PARP4: variants seen among roughly 807,000 people sequenced by gnomAD.
The protein encoded by PARP4 is poly(ADP-ribose) polymerase family member 4, also known as protein mono-ADP-ribosyltransferase PARP4.
A neutral mutation model predicts 187.7 loss-of-function variants in PARP4; 120 were observed. The observed-to-expected ratio is 0.64, with a 90% CI of 0.55 to 0.74. The LOEUF is 0.74. PARP4 is among the 30% of genes least tolerant of loss of function. The pLI, the probability that PARP4 is intolerant of heterozygous loss-of-function variation, is 0.00. For missense variants in PARP4, 1,836 were observed against 2,070.5 expected (o/e 0.89, Z 2.20); for synonymous variants, 654 against 740.9 (o/e 0.88, Z 1.90).
rs544858418 is a variant in PARP4 at position 24,422,825 on chromosome 13, T to C, written c.4980-1511A>G. Among the ~76,000 whole-genome samples the C allele has an allele frequency of 2.0e-5, 3 of 152,184 alleles. No homozygotes were observed. The East Asian group carries it at 5.8e-4, about 29-fold the overall frequency. On this transcript the variant is annotated intron_variant, in intron 33 of 33. Transcript: ENST00000381989. ...GGTTTCACCATCTTGGCCAGGATGG[T>C]CTCAATCTCTTAACCTTGTGATCTG...
Position 24,486,678 on chromosome 13 carries a change from G to C in PARP4, c.1215-373C>G, listed in dbSNP as rs112751261. Among the ~76,000 whole-genome samples the C allele has an allele frequency of 3.3e-5, 5 of 152,266 alleles. No homozygotes were observed. The South Asian group carries it at 1.0e-3, about 32-fold the overall frequency. On this transcript the variant is annotated intron_variant, in intron 10 of 33. Coordinates refer to ENST00000381989, the MANE Select transcript of PARP4 (RefSeq NM_006437.4). ...AAAAGAATGCAACTTCTGGCTGGGC[G>C]CAATGGCTCAGGCCTGTAATCCCAG...
intron 1 of PARP4, among the ~76,000 whole-genome samples, chr13:24,505,502 G>A (rs189455377): frequency 6.6e-6 from 1 of 152,122 alleles, no homozygotes; most frequent in Admixed American, 6.5e-5. Flanking sequence ...TGTTGGCCTT[G>A]CGGTCAAGTG....
chr13:24,462,193 G>A (rs931804785), intron 17 of PARP4, among the ~76,000 whole-genome samples: 2 of 152,174 alleles, frequency 1.3e-5, no homozygotes, highest in African/African-American at 2.4e-5. Flanking sequence ...CTAGCACTGC[G>A]GGAGGGGAAG....
chr13:24,496,566 G>A (rs1390076773), intron 6 of PARP4, among the ~76,000 whole-genome samples: 2 of 152,146 alleles, frequency 1.3e-5, no homozygotes, highest in East Asian at 1.9e-4. Context: ...GCTCTTGTGG[G>A]GTAGGGCTTC....
At chr13:24,497,723 C>A (rs1869033085) in intron 6 of PARP4, among the ~76,000 whole-genome samples, 1 of 152,146 alleles carries the variant, frequency 6.6e-6, no homozygotes, top group South Asian at 2.1e-4. Context: ...GGAGACAGAG[C>A]CTTTCAAGAG....
chr13:24,472,825 C>T (rs1349186067), intron 15 of PARP4, among the ~76,000 whole-genome samples: 1 of 150,674 alleles, frequency 6.6e-6, no homozygotes, highest in Non-Finnish European at 1.5e-5. Context: ...ATTTAATGCT[C>T]TTTCTGAGCT....
In PARP4 at chr13:24,439,268, G is replaced by A. The variant is rs147177604; in HGVS notation, c.3666+2578C>T. Among the ~76,000 whole-genome samples the A allele has an allele frequency of 1.3e-3, 191 of 151,640 alleles. 1 individual carries two copies. The highest frequency in any genetic ancestry group is 4.3e-3 in the African/African-American group (179 of 41,330). On this transcript the variant is annotated intron_variant, in intron 30 of 33. Coordinates refer to ENST00000381989, the MANE Select transcript of PARP4 (RefSeq NM_006437.4). ...CTAGAGCCCAGGAGGTCGAGGCTGC[G>A]GTGAACTATGATGGTGCCACTGCAC... is the stretch of plus-strand genomic sequence containing the variant.
At chr13:24,435,605 T>C (rs1870594530) in intron 30 of PARP4, 131 bp from the exon 31 acceptor site, 3 of 950,810 alleles carry the variant, frequency 3.2e-6, no homozygotes, top group East Asian at 2.5e-5. Context: ...GGATCATCAA[T>C]GTGAGCTGGG....
chr13:24,494,647 T>C lies in PARP4; in HGVS notation c.667A>G (p.Lys223Glu). The C allele has an allele frequency of 6.2e-7, 1 of 1,609,528 alleles. No homozygotes were observed. Among genetic ancestry groups the C allele is most frequent in the Non-Finnish European group, 8.5e-7 (1 of 1,176,242 alleles). Residue 223 changes from lysine to glutamate, a missense_variant, in exon 7 of 34, where the codon AAG (lysine) becomes GAG (glutamate). This residue lies in a region of PARP4 where 1,147 missense variants were observed against 1,214.2 expected (regional missense o/e 0.94). Coordinates refer to ENST00000381989, the MANE Select transcript of PARP4 (RefSeq NM_006437.4). ...EYFENYIEEL[K>E]KQGFLLREHF... The stretch of plus-strand genomic sequence containing the variant: ...TCTCTTAGTAGAAATCCTTGTTTCT[T>C]CAGTTCTTCAATGTAATTTTCAAAG...
chr13:24,423,269 T>C lies in PARP4; in HGVS notation c.4980-1955A>G, dbSNP rs375056470. On this transcript the variant is annotated intron_variant, in intron 33 of 33. Transcript: ENST00000381989. Reference sequence around the variant, plus strand: ...ATAAAATACAAAAAATAGGCTAGTGTAGTGGCTCACTCCTGTAATCCCAGA... The same window carrying C: ...ATAAAATACAAAAAATAGGCTAGTGCAGTGGCTCACTCCTGTAATCCCAGA... Among the ~76,000 whole-genome samples the C allele has an allele frequency of 1.1e-3, 175 of 152,258 alleles. 3 individuals are homozygous for C. The East Asian group carries it at 0.018, about 16-fold the overall frequency.
At position 24,498,147 on chromosome 13, in the gene PARP4, G is replaced by C. The variant is rs2137539228; in HGVS notation, c.560C>G (p.Ser187Cys). The C allele has an allele frequency of 3.1e-6, 5 of 1,613,556 alleles. No homozygotes were observed. The highest frequency in any genetic ancestry group is 1.7e-4 in the Middle Eastern group (1 of 6,058). Residue 187 changes from serine (S) to cysteine (C), a missense_variant, in exon 6 of 34, where the codon TCC becomes TGC. This residue lies in a region of PARP4 where 1,147 missense variants were observed against 1,214.2 expected (regional missense o/e 0.94). Transcript: ENST00000381989. Reference sequence around the variant, plus strand: ...GCCATCATCCAGGAGGAAGTGTGAGGATATCAGGAAAGGACAGTCCCTGGA... The same window carrying C: ...GCCATCATCCAGGAGGAAGTGTGAGCATATCAGGAAAGGACAGTCCCTGGA... Reference protein sequence around the residue: ...RDSRDCPFLISSHFLLDDGME... With the variant: ...RDSRDCPFLICSHFLLDDGME...
chr13:24,486,968 A>G (rs1873595329), intron 10 of PARP4, among the ~76,000 whole-genome samples: 1 of 151,896 alleles, frequency 6.6e-6, no homozygotes, highest in Non-Finnish European at 1.5e-5. Context: ...TCTCAAAGAA[A>G]AGAAAGTTAT....
chr13:24,442,359 AT>A (rs1228626888), intron 29 of PARP4, among the ~76,000 whole-genome samples: 3 of 152,300 alleles, frequency 2.0e-5, no homozygotes, highest in African/African-American at 7.2e-5. Context: ...TAATAATAAC[AT>A]TAAAAATGAT....
chr13:24,426,222 G>A (rs112883311), intron 33 of PARP4, among the ~76,000 whole-genome samples: 3,715 of 152,148 alleles, frequency 0.024, 106 homozygotes, highest in African/African-American at 0.066. Context: ...GCCCAGAAGC[G>A]CCAGCCTCCA....
chr13:24,508,823 AT>A (rs1174886480), intron 1 of PARP4, among the ~76,000 whole-genome samples: 2 of 152,066 alleles, frequency 1.3e-5, no homozygotes, highest in East Asian at 1.9e-4. Context: ...CACAGACTGT[AT>A]TTTTTATCAA....
chr13:24,421,374 C>T (rs909392836), intron 33 of PARP4, 60 bp from the exon 34 acceptor site: 7 of 619,188 alleles, frequency 1.1e-5, no homozygotes, highest in African/African-American at 9.3e-5. Context: ...TAATGTGGTA[C>T]TAAACCCATC....
intron 4 of PARP4, among the ~76,000 whole-genome samples, chr13:24,500,038 G>T (rs1276356631): frequency 6.5e-4 from 97 of 148,262 alleles, no homozygotes; most frequent in Middle Eastern, 3.5e-3. Flanking sequence ...ATGAAAATAG[G>T]TTTTTTTTTA....
At chr13:24,462,989 A>G (rs7998203) in intron 17 of PARP4, among the ~76,000 whole-genome samples, 77,178 of 151,806 alleles carry the variant, frequency 0.51, 19,924 homozygotes, top group South Asian at 0.65. Context: ...ATAGATAAAG[A>G]TCAAGACTGT....
At chr13:24,471,659 T>A (rs12868450) in intron 15 of PARP4, among the ~76,000 whole-genome samples, 44,092 of 151,986 alleles carry the variant, frequency 0.29, 7,190 homozygotes, top group South Asian at 0.46. Flanking sequence ...TGTTTCATCA[T>A]AAAATGAGTG....
Sources: gnomAD v4.1 joint callset for allele counts (sites outside exome capture counted in the v4.1 genomes callset) on GRCh38, gnomAD v4.1.1 for gene constraint, gnomAD v4.1.1 regional missense constraint, MANE v1.5 for transcripts, NCBI Gene and HGNC (gene_info 2026-07-23, HGNC 2026-07-21) for gene names.